The following LIFR variants were observed in gnomAD, a reference collection of about 807,000 sequenced individuals.
The protein encoded by LIFR is LIF receptor subunit alpha.
A neutral mutation model predicts 122.2 loss-of-function variants in LIFR; 84 were observed. The ratio of observed to expected loss-of-function variants is 0.69; its 90% CI spans 0.58 to 0.82. LIFR has a LOEUF of 0.82. LIFR is among the 40% of genes least tolerant of loss of function. The pLI is 0.00. For missense variants in LIFR, 1,294 were observed against 1,311.6 expected, an observed-to-expected ratio of 0.99 and a Z score of 0.21; for synonymous variants, 422 against 434.7, an observed-to-expected ratio of 0.97 and a Z score of 0.36.
In LIFR at chr5:38,553,265, TCCA is replaced by T. The variant is rs1263998208; in HGVS notation, c.-20+3066_-20+3068del. On this transcript the variant is annotated intron_variant, in intron 1 of 19. Coordinates refer to ENST00000453190, the MANE Select transcript of LIFR (RefSeq NM_001127671.2). Reference sequence around the variant, plus strand: ...TCATTCAACTCTCAGCTCAGACCCCTCCACCCCAGAGAGGCTTCTCAGGCCACT... The same window carrying T: ...TCATTCAACTCTCAGCTCAGACCCCTCCCCAGAGAGGCTTCTCAGGCCACT... 2.2e-4 allele frequency among the ~76,000 whole-genome samples: 34 copies of T among 152,092 alleles called. 1 individual carries two copies. Among genetic ancestry groups the T allele is most frequent in the African/African-American group, 8.0e-4 (33 of 41,504 alleles).
At position 38,481,977 on chromosome 5, in the gene LIFR, T is replaced by C. The variant is rs141551452; in HGVS notation, c.2912A>G (p.Gln971Arg). The C allele has an allele frequency of 6.2e-7, 1 of 1,614,230 alleles. No individual in the cohort carries two copies. Among genetic ancestry groups the C allele is most frequent in the Non-Finnish European group, 8.5e-7 (1 of 1,180,030 alleles). ...PAADEAGGTAQVIYIDVQSMY... is the reference protein window; with the variant it reads ...PAADEAGGTARVIYIDVQSMY... ...CGACTGAACATCAATGTAAATAACC[T>C]GTGCAGTCCCTCCAGCTTCATCTGC... Residue 971 changes from glutamine (Q) to arginine (R), a missense_variant, in exon 20 of 20, where the codon CAG becomes CGG. By Grantham distance (43) the Gln-to-Arg change is conservative. Coordinates refer to ENST00000453190, the MANE Select transcript of LIFR (RefSeq NM_001127671.2).
intron 1 of LIFR, among the ~76,000 whole-genome samples, chr5:38,540,516 A>G (rs914961083): frequency 1.3e-5 from 2 of 152,070 alleles, no homozygotes; most frequent in African/African-American, 2.4e-5. Context: ...TAAGCTCTCA[A>G]CTCAGCAGGT....
chr5:38,553,812 G>C (rs2112663681), intron 1 of LIFR, among the ~76,000 whole-genome samples: 1 of 151,030 alleles, frequency 6.6e-6, no homozygotes, highest in East Asian at 1.9e-4. Flanking sequence ...TCAATTTCTA[G>C]CATTAGCATT....
At chr5:38,594,401 C>A (rs886636106) in intron 1 of LIFR, among the ~76,000 whole-genome samples, 1 of 152,090 alleles carries the variant, frequency 6.6e-6, no homozygotes, top group African/African-American at 2.4e-5. Context: ...CCATAGAATG[C>A]ACAACACGAA....
intron 1 of LIFR, among the ~76,000 whole-genome samples, chr5:38,578,880 G>T (rs1316300287): frequency 6.6e-6 from 1 of 152,200 alleles, no homozygotes; most frequent in African/African-American, 2.4e-5. Context: ...TTTAAGACAC[G>T]TTTCATATAT....
chr5:38,564,741 C>CACAA (rs1748955987), intron 1 of LIFR, among the ~76,000 whole-genome samples: 1 of 65,304 alleles, frequency 1.5e-5, no homozygotes, highest in Non-Finnish European at 3.2e-5. Flanking sequence ...ACACTACACA[C>CACAA]ACACACACAC....
chr5:38,511,940 C>T lies in LIFR; in HGVS notation c.586G>A (p.Gly196Ser). The T allele has an allele frequency of 6.2e-7, 1 of 1,614,010 alleles. No homozygotes were observed. Among genetic ancestry groups the T allele is most frequent in the Non-Finnish European group, 8.5e-7 (1 of 1,179,986 alleles). Residue 196 changes from glycine to serine, a missense_variant, in exon 6 of 20, where the codon GGC (glycine) becomes AGC (serine). Gly to Ser is a moderately conservative substitution (Grantham distance 56). Transcript: ENST00000453190. The stretch of plus-strand genomic sequence containing the variant: ...CTCCAGTGATGAAGTGTATCTTTGC[C>T]ATTCAGAGTTGTGTTGTGGGTCACC... Reference protein sequence around the residue: ...KLVTHNTTLNGKDTLHHWSWA... With the variant: ...KLVTHNTTLNSKDTLHHWSWA...
chr5:38,483,428 T>C (rs1744105838), intron 18 of LIFR, among the ~76,000 whole-genome samples: 1 of 152,094 alleles, frequency 6.6e-6, no homozygotes, highest in Admixed American at 6.5e-5. Context: ...TTTTTTGTTT[T>C]TTTGGTTTTT....
At chr5:38,587,059 C>T (rs907401458) in intron 1 of LIFR, among the ~76,000 whole-genome samples, 4 of 152,100 alleles carry the variant, frequency 2.6e-5, no homozygotes, top group East Asian at 1.9e-4. Context: ...GTTGGTCTCT[C>T]GATATTAAAT....
In LIFR at chr5:38,527,270, C is replaced by CTGGTTA; in HGVS notation, c.281_282insTAACCA (p.Glu94delinsAspAsnGln). 1 of 1,591,456 alleles carries CTGGTTA rather than the reference C, an allele frequency of 6.3e-7. No individual in the cohort carries two copies. The highest frequency in any genetic ancestry group is 8.6e-7 in the Non-Finnish European group (1 of 1,160,274). On this transcript the variant is annotated protein_altering_variant, in exon 4 of 20. Transcript: ENST00000453190. ...GAGCTGGAATTTTAATACTGGTTTT[C>CTGGTTA]TCCAACTGATAACAAGAACGGGACC...
intron 1 of LIFR, chr5:38,607,713 C>G (rs1050000211): frequency 6.6e-6 from 1 of 152,294 alleles, no homozygotes; most frequent in African/African-American, 2.4e-5. Context: ...CCACTTCCCC[C>G]CTCCATTTGA....
At chr5:38,536,295 T>C (rs1357812700) in intron 1 of LIFR, among the ~76,000 whole-genome samples, 1 of 151,968 alleles carries the variant, frequency 6.6e-6, no homozygotes, top group Admixed American at 6.6e-5. Context: ...CAACCTTGGA[T>C]TGAAAATATT....
chr5:38,603,693 A>G (rs73749294), intron 2 of LIFR, among the ~76,000 whole-genome samples: 6,221 of 152,242 alleles, frequency 0.041, 409 homozygotes, highest in African/African-American at 0.14. Flanking sequence ...TCACAAGAAG[A>G]TAATGGCCAA....
chr5:38,566,952 G>A (rs1302079446), intron 1 of LIFR, among the ~76,000 whole-genome samples: 1 of 152,150 alleles, frequency 6.6e-6, no homozygotes, highest in Non-Finnish European at 1.5e-5. Flanking sequence ...AGCTACCAAG[G>A]TGAAATCACT....
At position 38,580,683 on chromosome 5, in the gene LIFR, G is replaced by A. The variant is rs149651881; in HGVS notation, c.-20+14578C>T. On this transcript the variant is annotated intron_variant, in intron 1 of 19. Coordinates refer to the LIFR transcript ENST00000263409. Reference sequence around the variant, plus strand: ...AATTAATGTATCCCAAGCAAAACTCGTCATTTTCCTTTCCTAAACCTGCTC... The same window carrying A: ...AATTAATGTATCCCAAGCAAAACTCATCATTTTCCTTTCCTAAACCTGCTC... 3.1e-4 allele frequency among the ~76,000 whole-genome samples: 47 copies of A among 152,138 alleles called. No individual in the cohort carries two copies. In the South Asian group the frequency reaches 5.0e-3, roughly 16 times the overall value.
chr5:38,522,188 C>T (rs528715264), intron 5 of LIFR, among the ~76,000 whole-genome samples: 13 of 152,314 alleles, frequency 8.5e-5, no homozygotes, highest in Non-Finnish European at 1.3e-4. Context: ...GCTTCACTCA[C>T]GCTTCAGCCT....
At chr5:38,590,461 G>A (rs1355294797) in intron 1 of LIFR, among the ~76,000 whole-genome samples, 13 of 152,166 alleles carry the variant, frequency 8.5e-5, no homozygotes, top group Admixed American at 8.5e-4. Context: ...TCTGTGCCTG[G>A]CATAACATGG....
At chr5:38,590,312 G>T (rs907843156) in intron 1 of LIFR, among the ~76,000 whole-genome samples, 2 of 152,122 alleles carry the variant, frequency 1.3e-5, no homozygotes, top group Non-Finnish European at 2.9e-5. Context: ...ATACAAGCAT[G>T]GGGGGAAGGG....
At chr5:38,533,129 T>C (rs796903797) in intron 1 of LIFR, among the ~76,000 whole-genome samples, 8 of 152,282 alleles carry the variant, frequency 5.3e-5, no homozygotes, top group African/African-American at 1.9e-4. Flanking sequence ...ACACCAAAGT[T>C]TGTAAATGTG....
Sources: allele counts gnomAD v4.1 joint callset (sites outside exome capture counted in the v4.1 genomes callset), GRCh38; gene constraint gnomAD v4.1.1; transcripts MANE v1.5; gene names NCBI Gene and HGNC (gene_info 2026-07-23, HGNC 2026-07-21).